Variants in ADARB2 observed in about 807,000 individuals in gnomAD.
ADARB2 encodes the protein inactive double-stranded RNA-specific editase B2.
Under a neutral mutation model 62.2 loss-of-function variants are expected in ADARB2, and 25 were observed. The observed-to-expected ratio is 0.40, with a 90% CI of 0.29 to 0.56. The LOEUF (loss-of-function observed/expected upper bound fraction) is 0.56. Ranked by LOEUF, ADARB2 falls within the 20% of genes least tolerant of loss-of-function variation. The probability of loss-of-function intolerance (pLI) is 0.43; values close to 1 mark genes in which losing one functional copy is unlikely to be tolerated. For synonymous variants in ADARB2, 572 were observed against 500.8 expected (o/e 1.14, Z -1.90); for missense variants, 1,071 against 1,077.4 (o/e 0.99, Z 0.08).
At chr10:1,423,363 C>A (rs1458282144) in intron 1 of ADARB2, among the ~76,000 whole-genome samples, 1 of 152,220 alleles carries the variant, frequency 6.6e-6, no homozygotes, top group African/African-American at 2.4e-5. Context: ...ATTCTGCAAG[C>A]CTCCTAGAAA....
At chr10:1,368,837 G>GACTGGGTGAGGGTGGGGGCCGA (rs1832337012) in intron 2 of ADARB2, among the ~76,000 whole-genome samples, 1 of 144,530 alleles carries the variant, frequency 6.9e-6, no homozygotes, top group African/African-American at 2.6e-5. Context: ...CCTGGGGCCG[G>GACTGGGTGAGGGTGGGGGCCGA]GCTGGGTGAG....
intron 1 of ADARB2, among the ~76,000 whole-genome samples, chr10:1,690,306 C>A (rs1347213110): frequency 6.6e-6 from 1 of 152,126 alleles, no homozygotes. Context: ...TGTGAACAAG[C>A]CGTTTTGGAT....
At chr10:1,375,796 GCACACACA>G (rs60085061) in intron 2 of ADARB2, among the ~76,000 whole-genome samples, 2 of 126,098 alleles carry the variant, frequency 1.6e-5, no homozygotes, top group Non-Finnish European at 3.4e-5. Context: ...ATGCACACAC[GCACACACA>G]CACCACACAC....
At chr10:1,629,286 G>A (rs1052429240) in intron 1 of ADARB2, among the ~76,000 whole-genome samples, 3 of 152,128 alleles carry the variant, frequency 2.0e-5, no homozygotes, top group African/African-American at 7.2e-5. Context: ...CTGCCAGTTT[G>A]CAGTTGGTAA....
intron 3 of ADARB2, among the ~76,000 whole-genome samples, chr10:1,334,893 A>T (rs962073646): frequency 6.6e-5 from 10 of 152,192 alleles, no homozygotes; most frequent in African/African-American, 2.2e-4. Context: ...TGGCACCAGA[A>T]GATTAACTGT....
chr10:1,612,750 G>C lies in ADARB2; in HGVS notation c.100+124301C>G, dbSNP rs184312782. ...ATCTTGTTATTTATTTGTTTATTTG[G>C]CATCCATGAGGTAACAATGGTTTTT... On this transcript the variant is annotated intron_variant, in intron 1 of 9. Coordinates refer to ENST00000381312, the MANE Select transcript of ADARB2 (RefSeq NM_018702.4). 1.1e-4 allele frequency among the ~76,000 whole-genome samples: 16 copies of C among 152,264 alleles called. No homozygotes were observed. The East Asian group carries it at 2.7e-3, about 26-fold the overall frequency.
chr10:1,259,442 T>C (rs1365768440), intron 4 of ADARB2, among the ~76,000 whole-genome samples: 3 of 151,850 alleles, frequency 2.0e-5, no homozygotes, highest in African/African-American at 7.3e-5. Context: ...ATCAAATAGA[T>C]GCAATAAAAA....
chr10:1,387,074 T>A (rs1832531480), intron 1 of ADARB2, among the ~76,000 whole-genome samples: 1 of 151,844 alleles, frequency 6.6e-6, no homozygotes, highest in Non-Finnish European at 1.5e-5. Flanking sequence ...TCAGTGATAA[T>A]GAAAGTATAA....
chr10:1,318,476 C>A (rs1831762173), intron 3 of ADARB2, among the ~76,000 whole-genome samples: 1 of 152,168 alleles, frequency 6.6e-6, no homozygotes, highest in South Asian at 2.1e-4. Context: ...CATTTGCACT[C>A]CTGGTGTGGG....
At chr10:1,534,471 G>A (rs10903471) in intron 1 of ADARB2, 47,289 of 152,262 alleles carry the variant, frequency 0.31, 8,421 homozygotes, top group East Asian at 0.6. Flanking sequence ...AGAAGAACCC[G>A]GAGGCTTTCG....
At chr10:1,456,175 A>G (rs1205725925) in intron 1 of ADARB2, among the ~76,000 whole-genome samples, 1 of 152,214 alleles carries the variant, frequency 6.6e-6, no homozygotes, top group Admixed American at 6.5e-5. Context: ...GGCGAGGGAA[A>G]AAGCTTAGAA....
intron 1 of ADARB2, among the ~76,000 whole-genome samples, chr10:1,504,960 GACAC>G (rs979110660): frequency 2.6e-5 from 4 of 151,264 alleles, no homozygotes; most frequent in African/African-American, 4.9e-5. Flanking sequence ...AGACACACAT[GACAC>G]ACACAGACAC....
chr10:1,473,920 G>A (rs932200362), intron 1 of ADARB2, among the ~76,000 whole-genome samples: 1 of 152,262 alleles, frequency 6.6e-6, no homozygotes, highest in Non-Finnish European at 1.5e-5. Flanking sequence ...AAGCGTGGCC[G>A]ATTACGGAGG....
intron 1 of ADARB2, among the ~76,000 whole-genome samples, chr10:1,472,336 G>T (rs11250553): frequency 6.6e-6 from 1 of 152,172 alleles, no homozygotes; most frequent in Non-Finnish European, 1.5e-5. Flanking sequence ...GCGGCTCAGG[G>T]GTCAGCCAGG....
At chr10:1,377,994 C>T (rs1055943103) in intron 2 of ADARB2, among the ~76,000 whole-genome samples, 1 of 152,176 alleles carries the variant, frequency 6.6e-6, no homozygotes, top group Non-Finnish European at 1.5e-5. Flanking sequence ...ATCCCAGGGT[C>T]ACCTCGCCTC....
At chr10:1,350,148 G>A (rs1205996149) in intron 3 of ADARB2, among the ~76,000 whole-genome samples, 3 of 152,070 alleles carry the variant, frequency 2.0e-5, no homozygotes, top group South Asian at 2.1e-4. Flanking sequence ...ACCAGAAAAC[G>A]GCACTTTCGA....
At chr10:1,678,225 G>C (rs997735600) in intron 1 of ADARB2, 41 of 983,746 alleles carry the variant, frequency 4.2e-5, no homozygotes, top group Non-Finnish European at 4.7e-5. Context: ...CAGGGTGAGC[G>C]ACCTCAGGGT....
chr10:1,616,552 C>T (rs3861052), intron 1 of ADARB2, among the ~76,000 whole-genome samples: 65,189 of 102,160 alleles, frequency 0.64, 20,471 homozygotes, highest in African/African-American at 0.71. Context: ...TTTGTGTGCC[C>T]GTCCAGACAC....
chr10:1,514,528 C>T (rs572133621), intron 1 of ADARB2, among the ~76,000 whole-genome samples: 1 of 152,170 alleles, frequency 6.6e-6, no homozygotes, highest in East Asian at 1.9e-4. Flanking sequence ...CTGGCTGCCC[C>T]CACACAGTCT....
Sources: gnomAD v4.1 joint callset for allele counts (sites outside exome capture counted in the v4.1 genomes callset) on GRCh38, gnomAD v4.1.1 for gene constraint, MANE v1.5 for transcripts, NCBI Gene and HGNC (gene_info 2026-07-23, HGNC 2026-07-21) for gene names.